The following ZMIZ1 variants were observed in gnomAD, a reference collection of about 807,000 sequenced individuals.
ZMIZ1 encodes the protein zinc finger MIZ-type containing 1.
In ZMIZ1, 17 loss-of-function variants were observed where a neutral mutation model predicts 113.9. The ratio of observed to expected loss-of-function variants is 0.15; its 90% CI spans 0.10 to 0.22. The LOEUF (loss-of-function observed/expected upper bound fraction) is 0.22. Ranked by LOEUF, ZMIZ1 falls within the 10% of genes least tolerant of loss-of-function variation. ZMIZ1 has a pLI of 1.00. For missense variants in ZMIZ1, 1,059 were observed against 1,477.8 expected, an observed-to-expected ratio of 0.72 and a Z score of 4.65; for synonymous variants, 607 against 603.1, an observed-to-expected ratio of 1.01 and a Z score of -0.09.
intron 4 of ZMIZ1, among the ~76,000 whole-genome samples, chr10:79,164,433 T>A (rs1846235286): frequency 9.9e-6 from 1 of 101,286 alleles, no homozygotes; most frequent in Admixed American, 9.9e-5. Context: ...AGTGAGTGAG[T>A]GAGTGATTCT....
chr10:79,304,100 G>A lies in ZMIZ1; in HGVS notation c.2211G>A (p.Lys737=). The A allele has an allele frequency of 1.2e-6, 2 of 1,614,226 alleles. No homozygotes were observed. The highest frequency in any genetic ancestry group is 1.7e-6 in the Non-Finnish European group (2 of 1,180,042). The change falls in exon 19 of 25, where the codon AAG becomes AAA. Residue 737 remains lysine, a synonymous_variant. Coordinates refer to ENST00000334512, the MANE Select transcript of ZMIZ1 (RefSeq NM_020338.4). ...ATGGGGTGGAGCAGACGGCCATCAA[G>A]GTGTCTCTGAAGTGCCCCATCACAT... ...GEDGVEQTAI[K]VSLKCPITFR...
At chr10:79,283,243 C>T (rs1030803535) in intron 8 of ZMIZ1, among the ~76,000 whole-genome samples, 1 of 152,228 alleles carries the variant, frequency 6.6e-6, no homozygotes, top group African/African-American at 2.4e-5. Flanking sequence ...CTGGCATCCC[C>T]TGAGTATAGC....
At chr10:79,290,926 C>A (rs1853451723) in intron 9 of ZMIZ1, 33 bp from the exon 10 acceptor site, 1 of 1,605,902 alleles carries the variant, frequency 6.2e-7, no homozygotes, top group African/African-American at 1.3e-5. Flanking sequence ...CCTCGGGTAG[C>A]ACCTTAGGTG....
At chr10:79,264,047 C>A (rs536653114) in intron 7 of ZMIZ1, among the ~76,000 whole-genome samples, 2 of 152,292 alleles carry the variant, frequency 1.3e-5, no homozygotes, top group East Asian at 3.9e-4. Flanking sequence ...ATGTTTAGCC[C>A]CGAGGAAAAA....
intron 17 of ZMIZ1, among the ~76,000 whole-genome samples, 153 bp from the exon 18 acceptor site, chr10:79,301,954 A>G (rs1312838754): frequency 1.3e-5 from 2 of 152,092 alleles, no homozygotes; most frequent in Middle Eastern, 6.3e-3. Flanking sequence ...TTTCCAGAGT[A>G]GTGCTCAGGC....
intron 7 of ZMIZ1, among the ~76,000 whole-genome samples, chr10:79,266,724 G>A (rs1851630480): frequency 6.6e-6 from 1 of 152,176 alleles, no homozygotes; most frequent in Non-Finnish European, 1.5e-5. Context: ...ATTTCCTCCT[G>A]GGAGATGACC....
chr10:79,275,379 G>A (rs1852217036), intron 7 of ZMIZ1, among the ~76,000 whole-genome samples: 1 of 151,970 alleles, frequency 6.6e-6, no homozygotes, highest in African/African-American at 2.4e-5. Flanking sequence ...CCCTCCTGGA[G>A]GGAGAAACAG....
chr10:79,198,271 A>T (rs961423272), intron 4 of ZMIZ1, among the ~76,000 whole-genome samples: 2 of 152,170 alleles, frequency 1.3e-5, no homozygotes, highest in Non-Finnish European at 2.9e-5. Context: ...ACAAACAAAC[A>T]AAAAAGCATT....
At chr10:79,107,055 A>C (rs954192523) in intron 1 of ZMIZ1, among the ~76,000 whole-genome samples, 1 of 152,144 alleles carries the variant, frequency 6.6e-6, no homozygotes, top group African/African-American at 2.4e-5. Flanking sequence ...TGGCCAGGGG[A>C]TGGAGCAGCC....
At chr10:79,154,188 A>G (rs574942120) in intron 3 of ZMIZ1, among the ~76,000 whole-genome samples, 1 of 152,182 alleles carries the variant, frequency 6.6e-6, no homozygotes, top group African/African-American at 2.4e-5. Flanking sequence ...TTGGACCTCC[A>G]ACACCAGAAT....
Position 79,312,909 on chromosome 10 carries a change from G to A in ZMIZ1, c.*160G>A. On this transcript the variant is annotated 3_prime_UTR_variant, in exon 25 of 25. Transcript: ENST00000334512. ...CCCGCTGCAGCCCTCTCAGAACAGA[G>A]GGGTAGGGAGGGTGCACCAGTGCAC... The A allele has an allele frequency of 4.7e-6, 3 of 638,968 alleles. No individual in the cohort carries two copies. Among genetic ancestry groups the A allele is most frequent in the East Asian group, 5.5e-5 (2 of 36,560 alleles). 39.6% of individuals were successfully genotyped at this position (638,968 alleles called of 1,614,324 possible).
chr10:79,159,828 C>G (rs896756475), intron 3 of ZMIZ1, among the ~76,000 whole-genome samples: 1 of 152,194 alleles, frequency 6.6e-6, no homozygotes, highest in Non-Finnish European at 1.5e-5. Flanking sequence ...GGTCCCTTCC[C>G]CTCTCTGATC....
intron 4 of ZMIZ1, among the ~76,000 whole-genome samples, chr10:79,194,129 G>A (rs1589405178): frequency 6.6e-6 from 1 of 152,244 alleles, no homozygotes. Flanking sequence ...TGCCCCAGGG[G>A]ACCTAAGCTG....
chr10:79,244,066 ACG>A lies in ZMIZ1; in HGVS notation c.280+27794_280+27795del, dbSNP rs537824840. ...ACGAGGCTCTGTGCTCAGTCGGCTC[ACG>A]CTGCAAAAATAAGAATCGGCCAGGA... On this transcript the variant is annotated intron_variant, in intron 7 of 24. Coordinates refer to ENST00000334512, the MANE Select transcript of ZMIZ1 (RefSeq NM_020338.4). Among the ~76,000 whole-genome samples the A allele has an allele frequency of 2.5e-3, 385 of 152,376 alleles. 2 individuals are homozygous for A. Among genetic ancestry groups the A allele is most frequent in the African/African-American group, 9.0e-3 (375 of 41,602 alleles).
rs551192995 is a variant in ZMIZ1, at chr10:79,159,815, C to G, written c.-130-2238C>G. ...CCCACTTATGGCTGGGTGACCCTAG[C>G]TGGGTCCCTTCCCCTCTCTGATCTC... On this transcript the variant is annotated intron_variant, in intron 3 of 24. Transcript: ENST00000334512. 8.5e-5 allele frequency among the ~76,000 whole-genome samples: 13 copies of G among 152,344 alleles called. No homozygotes were observed. In the East Asian group the frequency reaches 2.3e-3, roughly 27 times the overall value.
intron 23 of ZMIZ1, among the ~76,000 whole-genome samples, chr10:79,310,005 G>T (rs371845447): frequency 2.0e-5 from 3 of 152,166 alleles, no homozygotes; most frequent in East Asian, 3.9e-4. Context: ...GCTAGCAGGG[G>T]AATGTTCACA....
intron 7 of ZMIZ1, among the ~76,000 whole-genome samples, chr10:79,254,305 GA>G (rs1179542060): frequency 6.6e-6 from 1 of 152,254 alleles, no homozygotes; most frequent in Non-Finnish European, 1.5e-5. Flanking sequence ...GGGTACTGGG[GA>G]TGGTCCTCTC....
At chr10:79,220,869 T>C (rs199853366) in intron 7 of ZMIZ1, among the ~76,000 whole-genome samples, 1 of 120,244 alleles carries the variant, frequency 8.3e-6, no homozygotes, top group Non-Finnish European at 1.7e-5. Context: ...TGCATGGCTG[T>C]GCACATGTGT....
intron 7 of ZMIZ1, among the ~76,000 whole-genome samples, chr10:79,269,435 C>A (rs1325759690): frequency 2.1e-5 from 3 of 144,238 alleles, no homozygotes; most frequent in Admixed American, 7.0e-5. Context: ...CTCAGAAGCA[C>A]CCCTCCCAAC....
Sources: allele counts gnomAD v4.1 joint callset (sites outside exome capture counted in the v4.1 genomes callset), GRCh38; gene constraint gnomAD v4.1.1; transcripts MANE v1.5; gene names NCBI Gene and HGNC (gene_info 2026-07-23, HGNC 2026-07-21).